ADAMTS12: variants seen among roughly 807,000 people sequenced by gnomAD.
ADAMTS12 encodes the protein ADAM metallopeptidase with thrombospondin type 1 motif 12.
In ADAMTS12, 118 loss-of-function variants were observed where a neutral mutation model predicts 167.8. That is an observed-to-expected ratio of 0.70 (90% CI 0.61 to 0.82). The LOEUF (loss-of-function observed/expected upper bound fraction) is 0.82. ADAMTS12 is among the 40% of genes least tolerant of loss of function. The pLI, the probability that ADAMTS12 is intolerant of heterozygous loss-of-function variation, is 0.00. For synonymous variants in ADAMTS12, 704 were observed against 716.9 expected, an observed-to-expected ratio of 0.98 and a Z score of 0.29; for missense variants, 1,916 against 1,998.8, an observed-to-expected ratio of 0.96 and a Z score of 0.79.
chr5:33,643,058 A>G (rs2112176114), intron 10 of ADAMTS12, among the ~76,000 whole-genome samples: 1 of 152,348 alleles, frequency 6.6e-6, no homozygotes, highest in Admixed American at 6.5e-5. Context: ...GAGAGAAAAA[A>G]AGTCAAAAGG....
chr5:33,695,018 G>T (rs1268061423), intron 3 of ADAMTS12, among the ~76,000 whole-genome samples: 1 of 152,152 alleles, frequency 6.6e-6, no homozygotes, highest in Non-Finnish European at 1.5e-5. Context: ...CTAGTTATTT[G>T]TTATTTTATC....
chr5:33,690,261 CACTA>C (rs1394541137), intron 3 of ADAMTS12, among the ~76,000 whole-genome samples: 3 of 152,214 alleles, frequency 2.0e-5, no homozygotes, highest in Non-Finnish European at 2.9e-5. Flanking sequence ...AAGTTTACCA[CACTA>C]ACTGAGAACA....
chr5:33,648,671 T>C (rs1740766426), intron 9 of ADAMTS12, 151 bp downstream of exon 9: 10 of 971,576 alleles, frequency 1.0e-5, no homozygotes, highest in Non-Finnish European at 1.5e-5. Flanking sequence ...TCCAGCTTAA[T>C]TGTTTTCCCT....
intron 2 of ADAMTS12, among the ~76,000 whole-genome samples, chr5:33,846,298 G>A (rs969245825): frequency 2.0e-5 from 3 of 152,174 alleles, no homozygotes; most frequent in Non-Finnish European, 2.9e-5. Flanking sequence ...TGTCCCATAT[G>A]TTTGATTAAC....
At chr5:33,612,000 C>A (rs1034011458) in intron 16 of ADAMTS12, among the ~76,000 whole-genome samples, 1 of 152,094 alleles carries the variant, frequency 6.6e-6, no homozygotes, top group Non-Finnish European at 1.5e-5. Flanking sequence ...AAAGTTTTAG[C>A]CTAAATAAAA....
chr5:33,540,730 C>T (rs1310995872), intron 22 of ADAMTS12, among the ~76,000 whole-genome samples: 3 of 152,332 alleles, frequency 2.0e-5, no homozygotes, highest in East Asian at 3.9e-4. Flanking sequence ...AACAGCTCTG[C>T]AGCTGAGGGA....
At chr5:33,793,561 T>G (rs1746658357) in intron 2 of ADAMTS12, among the ~76,000 whole-genome samples, 1 of 152,230 alleles carries the variant, frequency 6.6e-6, no homozygotes, top group Admixed American at 6.5e-5. Flanking sequence ...AAATTGAATT[T>G]AAGATTTTTT....
chr5:33,700,264 A>G (rs1742952293), intron 3 of ADAMTS12, among the ~76,000 whole-genome samples: 1 of 152,242 alleles, frequency 6.6e-6, no homozygotes, highest in South Asian at 2.1e-4. Flanking sequence ...TTTATGCATA[A>G]TAGCCAAAAC....
intron 3 of ADAMTS12, among the ~76,000 whole-genome samples, chr5:33,735,802 C>A (rs1017381161): frequency 6.6e-6 from 1 of 152,166 alleles, no homozygotes; most frequent in Non-Finnish European, 1.5e-5. Flanking sequence ...GGAAAGGAAA[C>A]CTCTTCTATT....
intron 3 of ADAMTS12, among the ~76,000 whole-genome samples, chr5:33,745,604 T>C (rs1257138039): frequency 6.6e-6 from 1 of 152,098 alleles, no homozygotes; most frequent in African/African-American, 2.4e-5. Flanking sequence ...GATGTTGTGT[T>C]TCCTGGAGAG....
At chr5:33,849,848 A>AAT (rs1749155173) in intron 2 of ADAMTS12, among the ~76,000 whole-genome samples, 2 of 150,908 alleles carry the variant, frequency 1.3e-5, no homozygotes, top group Admixed American at 6.6e-5. Flanking sequence ...ATTGCATAGC[A>AAT]ATATACATTG....
intron 2 of ADAMTS12, among the ~76,000 whole-genome samples, chr5:33,876,517 A>G (rs1404545787): frequency 6.6e-6 from 1 of 152,206 alleles, no homozygotes; most frequent in African/African-American, 2.4e-5. Context: ...TTAATGAAAC[A>G]AAAACAGCCT....
chr5:33,866,462 A>G (rs932628685), intron 2 of ADAMTS12, among the ~76,000 whole-genome samples: 1 of 152,198 alleles, frequency 6.6e-6, no homozygotes, highest in African/African-American at 2.4e-5. Context: ...TGGATCAAAG[A>G]CTTAAATTTA....
intron 3 of ADAMTS12, among the ~76,000 whole-genome samples, chr5:33,741,666 T>C (rs575520393): frequency 6.6e-6 from 1 of 152,220 alleles, no homozygotes; most frequent in South Asian, 2.1e-4. Flanking sequence ...TCTCACTCTG[T>C]CGCCAGGCTG....
chr5:33,685,930 C>G (rs1021624860), intron 3 of ADAMTS12, among the ~76,000 whole-genome samples: 4 of 152,138 alleles, frequency 2.6e-5, no homozygotes, highest in African/African-American at 7.2e-5. Context: ...TATCTGCTTT[C>G]AAATGTCTCT....
intron 2 of ADAMTS12, among the ~76,000 whole-genome samples, chr5:33,841,780 G>A (rs1748753666): frequency 6.6e-6 from 1 of 152,182 alleles, no homozygotes. Flanking sequence ...ATGCAAGAAG[G>A]AGCATTTGTG....
chr5:33,759,858 G>A (rs1010584416), intron 2 of ADAMTS12, among the ~76,000 whole-genome samples: 3 of 152,168 alleles, frequency 2.0e-5, no homozygotes, highest in Non-Finnish European at 4.4e-5. Flanking sequence ...GTAAGTCATT[G>A]ATAGACAGCC....
At chr5:33,761,296 C>T (rs996059747) in intron 2 of ADAMTS12, among the ~76,000 whole-genome samples, 2 of 152,200 alleles carry the variant, frequency 1.3e-5, no homozygotes, top group Non-Finnish European at 2.9e-5. Context: ...GGGAGTGCTC[C>T]CACCCTGGAA....
chr5:33,593,171 C>T (rs568138077), intron 17 of ADAMTS12, among the ~76,000 whole-genome samples: 8 of 152,140 alleles, frequency 5.3e-5, no homozygotes, highest in East Asian at 1.9e-4. Flanking sequence ...CAGCTACCCA[C>T]GAGGCTGGGG....
Sources: allele counts gnomAD v4.1 joint callset (sites outside exome capture counted in the v4.1 genomes callset), GRCh38; gene constraint gnomAD v4.1.1; transcripts MANE v1.5; gene names NCBI Gene and HGNC (gene_info 2026-07-23, HGNC 2026-07-21).